Variants in CNTNAP2 observed in about 807,000 individuals in gnomAD.
CNTNAP2 encodes contactin-associated protein-like 2.
In CNTNAP2, 98 loss-of-function variants were observed where a neutral mutation model predicts 155.2. That is an observed-to-expected ratio of 0.63 (90% CI 0.54 to 0.75). The LOEUF is 0.75. Ranked by LOEUF, CNTNAP2 falls within the 30% of genes least tolerant of loss-of-function variation. The probability of loss-of-function intolerance (pLI) is 0.00; values close to 1 mark genes in which losing one functional copy is unlikely to be tolerated. For synonymous variants in CNTNAP2, 651 were observed against 631.2 expected (o/e 1.03, Z -0.47); for missense variants, 1,727 against 1,688.1 (o/e 1.02, Z -0.40).
At chr7:146,963,622 G>A (rs888222412) in intron 3 of CNTNAP2, among the ~76,000 whole-genome samples, 1 of 151,870 alleles carries the variant, frequency 6.6e-6, no homozygotes, top group South Asian at 2.1e-4. Context: ...TTGACAGCAC[G>A]ATGTATAGTG....
At chr7:148,000,067 T>C (rs1047051843) in intron 15 of CNTNAP2, among the ~76,000 whole-genome samples, 7 of 152,212 alleles carry the variant, frequency 4.6e-5, no homozygotes, top group African/African-American at 1.7e-4. Flanking sequence ...ATTCAAGTGG[T>C]CTTTTCAACT....
At chr7:146,755,547 C>T (rs1801981295) in intron 1 of CNTNAP2, among the ~76,000 whole-genome samples, 1 of 151,948 alleles carries the variant, frequency 6.6e-6, no homozygotes, top group Non-Finnish European at 1.5e-5. Flanking sequence ...AGTGCATTTT[C>T]ATATTATGTT....
At chr7:147,690,737 T>G (rs1007842490) in intron 13 of CNTNAP2, among the ~76,000 whole-genome samples, 18 of 151,506 alleles carry the variant, frequency 1.2e-4, no homozygotes, top group African/African-American at 4.3e-4. Context: ...TTTATAAAAC[T>G]TTTAAAGTTT....
intron 13 of CNTNAP2, among the ~76,000 whole-genome samples, chr7:147,891,618 A>G (rs905376439): frequency 3.0e-4 from 45 of 152,304 alleles, no homozygotes; most frequent in Admixed American, 2.9e-3. Context: ...AAACACAACT[A>G]TTTCCCAATA....
intron 15 of CNTNAP2, among the ~76,000 whole-genome samples, chr7:148,068,816 G>A (rs10237110): frequency 0.053 from 8,019 of 152,198 alleles, 439 homozygotes; most frequent in East Asian, 0.28. Context: ...TTTCAGGTGA[G>A]TTTTCTCTGA....
chr7:146,406,775 G>A (rs937467382), intron 1 of CNTNAP2, among the ~76,000 whole-genome samples: 7 of 152,134 alleles, frequency 4.6e-5, no homozygotes, highest in African/African-American at 1.4e-4. Flanking sequence ...TGAAAAACCA[G>A]AGCAGCTGCT....
At chr7:148,297,617 G>T (rs1368123758) in intron 21 of CNTNAP2, among the ~76,000 whole-genome samples, 1 of 152,172 alleles carries the variant, frequency 6.6e-6, no homozygotes, top group Non-Finnish European at 1.5e-5. Flanking sequence ...GTTTGTTCTA[G>T]ATTGGATACT....
chr7:147,973,468 C>A (rs75657048), intron 14 of CNTNAP2, among the ~76,000 whole-genome samples: 1 of 152,116 alleles, frequency 6.6e-6, no homozygotes, highest in South Asian at 2.1e-4. Flanking sequence ...ACTAGCTATA[C>A]GGCAACCTTT....
intron 9 of CNTNAP2, among the ~76,000 whole-genome samples, chr7:147,346,665 CAG>C (rs1339999890): frequency 3.9e-5 from 6 of 152,142 alleles, no homozygotes; most frequent in Non-Finnish European, 7.4e-5. Context: ...AATTTTATCT[CAG>C]AAACTTCAGG....
intron 1 of CNTNAP2, among the ~76,000 whole-genome samples, chr7:146,287,848 A>G (rs549480049): frequency 6.6e-6 from 1 of 152,322 alleles, no homozygotes; most frequent in Admixed American, 6.5e-5. Flanking sequence ...TGTGTTAAAA[A>G]TTATTGTTAT....
intron 13 of CNTNAP2, among the ~76,000 whole-genome samples, chr7:147,863,774 G>GT (rs199777263): frequency 0.55 from 81,632 of 148,678 alleles, 22,628 homozygotes; most frequent in South Asian, 0.68. Context: ...TTTTGATGGG[G>GT]TTGTTTTTTT....
At chr7:147,683,785 A>T (rs6964959) in intron 13 of CNTNAP2, among the ~76,000 whole-genome samples, 3,941 of 150,624 alleles carry the variant, frequency 0.026, 239 homozygotes, top group Admixed American at 0.15. Flanking sequence ...GAATCCGTCA[A>T]TATCCTGTCT....
intron 8 of CNTNAP2, among the ~76,000 whole-genome samples, chr7:147,150,499 T>C (rs1801804676): frequency 6.6e-6 from 1 of 152,124 alleles, no homozygotes; most frequent in African/African-American, 2.4e-5. Context: ...AATAGGAAAT[T>C]CACAACTTAG....
At chr7:146,693,963 A>C (rs2642481) in intron 1 of CNTNAP2, among the ~76,000 whole-genome samples, 129,360 of 151,818 alleles carry the variant, frequency 0.85, 55,790 homozygotes, top group South Asian at 0.94. Flanking sequence ...TCAGCTCCTA[A>C]TTTTAAGTGA....
At position 146,742,425 on chromosome 7, in the gene CNTNAP2, T is replaced by C. The variant is rs1053727376; in HGVS notation, c.98-31846T>C. Among the ~76,000 whole-genome samples, 65 of 152,164 alleles carry C rather than the reference T, an allele frequency of 4.3e-4. 1 individual carries two copies. The highest frequency in any genetic ancestry group is 2.4e-4 in the Non-Finnish European group (16 of 68,028). On this transcript the variant is annotated intron_variant, in intron 1 of 23. Coordinates refer to ENST00000361727, the MANE Select transcript of CNTNAP2 (RefSeq NM_014141.6). ...TCATAAGGATCATATAGAAAACTTA[T>C]AAAAATGGTAAGGGTAAAAAATATA...
intron 13 of CNTNAP2, among the ~76,000 whole-genome samples, chr7:147,769,186 A>G (rs974390778): frequency 6.6e-6 from 1 of 152,170 alleles, no homozygotes; most frequent in African/African-American, 2.4e-5. Flanking sequence ...GGCAAGTAAT[A>G]CAATAGAATC....
At chr7:147,353,078 T>TC (rs1795995286) in intron 9 of CNTNAP2, among the ~76,000 whole-genome samples, 2 of 127,314 alleles carry the variant, frequency 1.6e-5, no homozygotes, top group Admixed American at 7.7e-5. Context: ...CATGTAGAAT[T>TC]CTTTATATAT....
intron 1 of CNTNAP2, among the ~76,000 whole-genome samples, chr7:146,750,669 A>G (rs755705971): frequency 4.6e-5 from 7 of 152,152 alleles, no homozygotes; most frequent in Non-Finnish European, 7.3e-5. Flanking sequence ...TGACCTCAGT[A>G]GTGTCTCATT....
intron 9 of CNTNAP2, among the ~76,000 whole-genome samples, chr7:147,374,675 A>G (rs1013421721): frequency 2.0e-5 from 3 of 151,962 alleles, no homozygotes; most frequent in Non-Finnish European, 4.4e-5. Flanking sequence ...TTGAGACAGT[A>G]TGCTTCCTCC....
Sources: allele counts gnomAD v4.1 joint callset (sites outside exome capture counted in the v4.1 genomes callset), GRCh38; gene constraint gnomAD v4.1.1; transcripts MANE v1.5; gene names NCBI Gene and HGNC (gene_info 2026-07-23, HGNC 2026-07-21).